BRCA2: variants seen among roughly 807,000 people sequenced by gnomAD.
BRCA2 encodes breast cancer type 2 susceptibility protein.
BRCA2 carries 203 observed loss-of-function variants against 276.7 expected under a neutral mutation model. That is an observed-to-expected ratio of 0.73 (90% CI 0.65 to 0.82). The LOEUF (loss-of-function observed/expected upper bound fraction) is 0.82. BRCA2 is among the 40% of genes least tolerant of loss of function. BRCA2 has a pLI of 0.00. For missense variants in BRCA2, 3,920 were observed against 3,915.0 expected (o/e 1.00, Z -0.03); for synonymous variants, 1,289 against 1,338.4 (o/e 0.96, Z 0.81).
rs747281144 is a variant in BRCA2, at chr13:32,398,665, A to T, written c.10152A>T (p.Arg3384=). The T allele has an allele frequency of 3.1e-6, 5 of 1,614,174 alleles. No homozygotes were observed. Among genetic ancestry groups the T allele is most frequent in the Non-Finnish European group, 4.2e-6 (5 of 1,180,016 alleles). The stretch of plus-strand genomic sequence containing the variant: ...CAGAAGATTATCTCAGACTGAAACG[A>T]CGTTGTACTACATCTCTGATCAAAG... ...TSSEDYLRLK[R]RCTTSLIKEQ... The change falls in exon 27 of 27, where the codon CGA becomes CGT. Residue 3384 remains arginine, a synonymous_variant. Coordinates refer to ENST00000380152, the MANE Select transcript of BRCA2 (RefSeq NM_000059.4).
chr13:32,340,225 T>C lies in BRCA2; in HGVS notation c.5870T>C (p.Ile1957Thr), dbSNP rs587782320. Residue 1957 changes from isoleucine (I) to threonine (T), a missense_variant, in exon 11 of 27, where the codon ATA (isoleucine) becomes ACA (threonine). Around this residue, in one of 2 missense-constraint regions of BRCA2, gnomAD observed 3,263 missense variants for 3,156.9 expected, o/e 1.03. Coordinates refer to ENST00000380152, the MANE Select transcript of BRCA2 (RefSeq NM_000059.4). ...PCDVSLETSDICKCSIGKLHK... is the reference protein window; with the variant it reads ...PCDVSLETSDTCKCSIGKLHK... ...GATGTTAGTTTGGAAACTTCAGATA[T>C]ATGTAAATGTAGTATAGGGAAGCTT... 1.4e-5 allele frequency: 23 copies of C among 1,613,884 alleles called. No individual in the cohort carries two copies. The highest frequency in any genetic ancestry group is 7.7e-5 in the South Asian group (7 of 91,080).
At position 32,326,291 on chromosome 13, in the gene BRCA2, TC is replaced by T; in HGVS notation, c.516+10del. On this transcript the variant is annotated intron_variant, in intron 6 of 26. Transcript: ENST00000380152. ...CACCAAAGTTTGTGAAGGTAAATATTCTACCTGGTTTATTTTTATGACTTAG... is the reference window on the plus strand; with the variant it reads ...CACCAAAGTTTGTGAAGGTAAATATTTACCTGGTTTATTTTTATGACTTAG... 1 of 1,609,992 alleles carries T rather than the reference TC, an allele frequency of 6.2e-7. No homozygotes were observed. Among genetic ancestry groups the T allele is most frequent in the East Asian group, 2.2e-5 (1 of 44,806 alleles).
At position 32,339,481 on chromosome 13, in the gene BRCA2, A is replaced by C. The variant is rs786202836; in HGVS notation, c.5126A>C (p.Asp1709Ala). ...DGQPERINTADYVGNYLYENN... is the reference protein window; with the variant it reads ...DGQPERINTAAYVGNYLYENN... ...CAACCAGAAAGAATAAATACTGCAG[A>C]TTATGTAGGAAATTATTTGTATGAA... Residue 1709 changes from aspartate to alanine, a missense_variant, in exon 11 of 27, where the codon GAT becomes GCT. Coordinates refer to ENST00000380152, the MANE Select transcript of BRCA2 (RefSeq NM_000059.4). 3.2e-6 allele frequency: 5 copies of C among 1,583,484 alleles called. No homozygotes were observed. Among genetic ancestry groups the C allele is most frequent in the Middle Eastern group, 1.7e-4 (1 of 5,896 alleles).
chr13:32,353,821 A>G (rs1205194368), intron 13 of BRCA2, among the ~76,000 whole-genome samples: 1 of 152,240 alleles, frequency 6.6e-6, no homozygotes, highest in African/African-American at 2.4e-5. Context: ...AAGACCACGT[A>G]TGCTGAGAAA....
At chr13:32,378,176 TA>T (rs1322620696) in intron 21 of BRCA2, among the ~76,000 whole-genome samples, 1 of 152,228 alleles carries the variant, frequency 6.6e-6, no homozygotes, top group African/African-American at 2.4e-5. Context: ...AATTTAACAA[TA>T]TTTTTTTGTC....
At chr13:32,360,469 C>T (rs759870013) in intron 16 of BRCA2, among the ~76,000 whole-genome samples, 22 of 152,250 alleles carry the variant, frequency 1.4e-4, no homozygotes, top group Non-Finnish European at 8.8e-5. Context: ...AAGCGATTCT[C>T]CTGCCTCAGC....
intron 24 of BRCA2, among the ~76,000 whole-genome samples, chr13:32,392,276 A>C (rs2137647374): frequency 6.6e-6 from 1 of 152,306 alleles, no homozygotes; most frequent in East Asian, 1.9e-4. Context: ...ATAAAGTATA[A>C]AGAGTAGAAT....
Position 32,319,404 on chromosome 13 carries a change from T to C in BRCA2, c.316+79T>C. On this transcript the variant is annotated intron_variant, in intron 3 of 26. Transcript: ENST00000380152. ...AAACCTGTGTTAAAATCTTAGCTCA[T>C]TCATTAATTGTGTCATGCTGGGCAA... is the stretch of plus-strand genomic sequence containing the variant. 3 of 1,397,140 alleles carry C rather than the reference T, an allele frequency of 2.1e-6. No individual in the cohort carries two copies. The South Asian group carries it at 3.6e-5, about 17-fold the overall frequency. The allele number at this position is 1,397,140 out of a possible 1,614,324, so 86.5% of individuals were successfully genotyped here.
Position 32,355,272 on chromosome 13 carries a change from T to C in BRCA2, c.7419T>C (p.Cys2473=). 1 of 1,613,768 alleles carries C rather than the reference T, an allele frequency of 6.2e-7. No individual in the cohort carries two copies. The highest frequency in any genetic ancestry group is 1.1e-5 in the South Asian group (1 of 91,040). The change falls in exon 14 of 27, where the codon TGT becomes TGC. Residue 2473 remains cysteine (C), a synonymous_variant. Transcript: ENST00000380152. ...CAGTAGCTGTAACTTTCACAAAGTG[T>C]GAAGAAGAACCTTTAGGTATTGTAT... ...NQAVAVTFTK[C]EEEPLDLITS... is the part of the protein sequence containing the mutation.
rs767209209 is a variant in BRCA2, at chr13:32,363,525, A to G, written c.8323A>G (p.Met2775Val). ...CTPLEAPESL[M>V]LKISANSTRP... ...ACCTCTTGAAGCCCCAGAATCTCTT[A>G]TGTTAAAGGTAAATTAATTTGCACT... The change falls in exon 18 of 27, where the codon ATG becomes GTG. Residue 2775 changes from methionine to valine, a missense_variant. This residue lies in a region of BRCA2 where 657 missense variants were observed against 758.2 expected (regional missense o/e 0.87). Transcript: ENST00000380152. The G allele has an allele frequency of 6.2e-7, 1 of 1,612,616 alleles. No homozygotes were observed. Among genetic ancestry groups the G allele is most frequent in the Non-Finnish European group, 8.5e-7 (1 of 1,178,720 alleles).
intron 24 of BRCA2, among the ~76,000 whole-genome samples, chr13:32,392,390 A>G (rs1273197795): frequency 6.6e-6 from 1 of 152,166 alleles, no homozygotes; most frequent in Non-Finnish European, 1.5e-5. Flanking sequence ...TCACTTTAGA[A>G]TTTTATAACT....
intron 16 of BRCA2, among the ~76,000 whole-genome samples, chr13:32,360,520 C>G (rs11571714): frequency 1.3e-5 from 2 of 151,972 alleles, no homozygotes; most frequent in Non-Finnish European, 2.9e-5. Flanking sequence ...CCACCGTGCC[C>G]GGCTGATTTT....
upstream of BRCA2, among the ~76,000 whole-genome samples, chr13:32,315,160 A>G (rs1170598691): frequency 6.6e-6 from 1 of 152,114 alleles, no homozygotes; most frequent in East Asian, 1.9e-4. Flanking sequence ...GAACAAAGGT[A>G]TTTCATAGGT....
At chr13:32,328,922 C>G (rs1024896979) in intron 7 of BRCA2, among the ~76,000 whole-genome samples, 17 of 151,830 alleles carry the variant, frequency 1.1e-4, no homozygotes, top group African/African-American at 4.1e-4. Context: ...TACTCAAAGC[C>G]TGAGCTTAAT....
intron 13 of BRCA2, 78 bp from the exon 14 acceptor site, chr13:32,354,783 G>T: frequency 1.0e-6 from 1 of 993,292 alleles, no homozygotes; most frequent in Non-Finnish European, 1.6e-6. Context: ...AGCAAATGAG[G>T]GTCTGCAACA....
chr13:32,346,806 T>TATA lies in BRCA2; in HGVS notation c.6938-19_6938-17dup, dbSNP rs765850575. On this transcript the variant is annotated intron_variant, in intron 12 of 26. Coordinates refer to ENST00000380152, the MANE Select transcript of BRCA2 (RefSeq NM_000059.4). ...CTCTTAGATTTTAACTAATATGTAA[T>TATA]ATAAAATAATTGTTTCCTAGGCACA... The TATA allele has an allele frequency of 6.4e-7, 1 of 1,570,250 alleles. No individual in the cohort carries two copies. Among genetic ancestry groups the TATA allele is most frequent in the Admixed American group, 1.7e-5 (1 of 59,186 alleles).
intron 24 of BRCA2, among the ~76,000 whole-genome samples, chr13:32,392,824 C>A (rs1347997760): frequency 1.3e-5 from 2 of 152,048 alleles, no homozygotes; most frequent in Non-Finnish European, 2.9e-5. Context: ...CCTGTTTCCC[C>A]TTTTTTGTTC....
rs755111487 is a variant in BRCA2 at position 32,397,041 on chromosome 13, T to A, written c.9645T>A (p.Leu3215=). 8 of 1,613,876 alleles carry A rather than the reference T, an allele frequency of 5.0e-6. No homozygotes were observed. Among genetic ancestry groups the A allele is most frequent in the Non-Finnish European group, 5.9e-6 (7 of 1,179,798 alleles). The change falls in exon 26 of 27, where the codon CTT becomes CTA. Residue 3215 remains leucine, a synonymous_variant. Coordinates refer to ENST00000380152, the MANE Select transcript of BRCA2 (RefSeq NM_000059.4). ...TCATTCCTGGTACAGGAAACAAGCT[T>A]CTGGTAAGTTAATGTAAACTCAAGG... is the stretch of plus-strand genomic sequence containing the variant. ...AQIIPGTGNK[L]LMSSPNCEIY...
chr13:32,361,595 GGA>G (rs931358340), intron 16 of BRCA2, among the ~76,000 whole-genome samples: 12 of 152,286 alleles, frequency 7.9e-5, no homozygotes, highest in African/African-American at 2.9e-4. Flanking sequence ...TGATGATGCA[GGA>G]GAGAGAGGAG....
Sources: gnomAD v4.1 joint callset for allele counts (sites outside exome capture counted in the v4.1 genomes callset) on GRCh38, gnomAD v4.1.1 for gene constraint, gnomAD v4.1.1 regional missense constraint, MANE v1.5 for transcripts, NCBI Gene and HGNC (gene_info 2026-07-23, HGNC 2026-07-21) for gene names.